PRKG1: variants seen among roughly 807,000 people sequenced by gnomAD.
The protein encoded by PRKG1 is protein kinase cGMP-dependent 1.
A neutral mutation model predicts 88.1 loss-of-function variants in PRKG1; 35 were observed. The observed-to-expected ratio is 0.40, with a 90% CI of 0.30 to 0.53. The LOEUF (loss-of-function observed/expected upper bound fraction) is 0.53, where lower values mean the gene tolerates loss of function less well. Among genes scored for constraint, PRKG1 ranks in the 20% least tolerant of loss-of-function variants. The pLI is 0.59. For missense variants in PRKG1, 540 were observed against 839.8 expected (o/e 0.64, Z 4.41); for synonymous variants, 303 against 292.5 (o/e 1.04, Z -0.37).
chr10:51,281,314 C>A (rs1840288718), intron 2 of PRKG1, among the ~76,000 whole-genome samples: 1 of 152,104 alleles, frequency 6.6e-6, no homozygotes, highest in African/African-American at 2.4e-5. Context: ...GGGTCAGGGA[C>A]CCAGTTGAGG....
At chr10:51,208,618 C>T (rs1019845385) in intron 2 of PRKG1, among the ~76,000 whole-genome samples, 1 of 152,046 alleles carries the variant, frequency 6.6e-6, no homozygotes, top group Non-Finnish European at 1.5e-5. Context: ...ATGCAAAAGG[C>T]TTAGTGGAGT....
intron 5 of PRKG1, among the ~76,000 whole-genome samples, chr10:51,923,430 T>C (rs1046915117): frequency 1.3e-5 from 2 of 151,208 alleles, no homozygotes; most frequent in East Asian, 1.9e-4. Context: ...ATATTAATAT[T>C]AGCATATTAT....
intron 9 of PRKG1, among the ~76,000 whole-genome samples, chr10:52,211,508 G>A (rs1839970538): frequency 6.6e-6 from 1 of 152,020 alleles, no homozygotes; most frequent in Non-Finnish European, 1.5e-5. Flanking sequence ...TAAGAATTAT[G>A]CATGCGTTTA....
chr10:52,032,622 T>G (rs1671900053), intron 5 of PRKG1, among the ~76,000 whole-genome samples: 1 of 152,196 alleles, frequency 6.6e-6, no homozygotes. Flanking sequence ...AGCAGAATTT[T>G]AATTAATCAT....
chr10:51,076,082 G>A (rs1412850569), intron 1 of PRKG1, among the ~76,000 whole-genome samples: 3 of 152,144 alleles, frequency 2.0e-5, no homozygotes, highest in Non-Finnish European at 4.4e-5. Flanking sequence ...GTAAATATTT[G>A]ATTATCTCTA....
At chr10:51,980,907 C>T (rs1205288987) in intron 5 of PRKG1, among the ~76,000 whole-genome samples, 1 of 152,174 alleles carries the variant, frequency 6.6e-6, no homozygotes, top group African/African-American at 2.4e-5. Context: ...TTGAAGACAG[C>T]ATACCAATGG....
chr10:51,793,092 C>T (rs1422665052), intron 3 of PRKG1, among the ~76,000 whole-genome samples: 1 of 82,596 alleles, frequency 1.2e-5, no homozygotes, highest in Non-Finnish European at 2.3e-5. Flanking sequence ...AAGAACTGCC[C>T]AACAAATAAT....
intron 5 of PRKG1, among the ~76,000 whole-genome samples, chr10:51,966,015 A>G (rs1033349569): frequency 6.6e-6 from 1 of 152,206 alleles, no homozygotes; most frequent in Non-Finnish European, 1.5e-5. Flanking sequence ...TTATATAGTT[A>G]TGCACCAAGA....
At chr10:51,545,699 TC>T (rs1458928804) in intron 3 of PRKG1, among the ~76,000 whole-genome samples, 8 of 152,248 alleles carry the variant, frequency 5.3e-5, no homozygotes, top group African/African-American at 1.9e-4. Flanking sequence ...GCTTGTCATT[TC>T]CCCAGTGTAT....
At chr10:51,425,212 C>G (rs1838541573) in intron 2 of PRKG1, among the ~76,000 whole-genome samples, 1 of 152,058 alleles carries the variant, frequency 6.6e-6, no homozygotes, top group African/African-American at 2.4e-5. Flanking sequence ...TTATTTTAGT[C>G]TTTATAGTAA....
intron 9 of PRKG1, among the ~76,000 whole-genome samples, chr10:52,166,857 A>ATATG (rs1298666412): frequency 1.6e-4 from 16 of 100,170 alleles, no homozygotes; most frequent in South Asian, 3.9e-4. Flanking sequence ...ATGTCTATAT[A>ATATG]TATATCTGTA....
intron 4 of PRKG1, among the ~76,000 whole-genome samples, chr10:51,842,760 TTATC>T (rs1448371889): frequency 6.6e-6 from 1 of 152,198 alleles, no homozygotes; most frequent in African/African-American, 2.4e-5. Context: ...CTGTATCTAT[TTATC>T]TAACTAGTGT....
intron 2 of PRKG1, among the ~76,000 whole-genome samples, chr10:51,223,327 G>A (rs1838602579): frequency 6.6e-6 from 1 of 152,056 alleles, no homozygotes; most frequent in Non-Finnish European, 1.5e-5. Context: ...ATATGTGCCA[G>A]GCAAAAAGAA....
At chr10:51,143,487 G>T (rs942107957) in intron 1 of PRKG1, among the ~76,000 whole-genome samples, 5 of 151,960 alleles carry the variant, frequency 3.3e-5, no homozygotes, top group African/African-American at 9.7e-5. Flanking sequence ...TTTACTTTGG[G>T]TATATACCCA....
At chr10:52,000,074 G>T (rs116565841) in intron 5 of PRKG1, among the ~76,000 whole-genome samples, 4 of 151,628 alleles carry the variant, frequency 2.6e-5, no homozygotes, top group Non-Finnish European at 5.9e-5. Context: ...GTTCCATAAA[G>T]TTCACTCACA....
rs561207486 is a variant in PRKG1, at chr10:51,376,003, C to T, written c.479-91720C>T. The stretch of plus-strand genomic sequence containing the variant: ...AGATAGCTCTTCCATGTATGCAAAA[C>T]ACTACTCTGTAGAAATTGTTGCAGA... On this transcript the variant is annotated intron_variant, in intron 2 of 17. Coordinates refer to ENST00000373980, the MANE Select transcript of PRKG1 (RefSeq NM_006258.4). Among the ~76,000 whole-genome samples the T allele has an allele frequency of 1.4e-4, 21 of 152,272 alleles. No individual in the cohort carries two copies. In the East Asian group the frequency reaches 2.7e-3, roughly 20 times the overall value.
At chr10:51,276,594 G>A (rs1483404467) in intron 2 of PRKG1, among the ~76,000 whole-genome samples, 2 of 152,046 alleles carry the variant, frequency 1.3e-5, no homozygotes, top group African/African-American at 4.8e-5. Flanking sequence ...GTGTAAAAGT[G>A]TTCCTATTTC....
intron 9 of PRKG1, among the ~76,000 whole-genome samples, chr10:52,189,480 G>T (rs1839308999): frequency 1.3e-5 from 2 of 152,154 alleles, no homozygotes; most frequent in Non-Finnish European, 2.9e-5. Flanking sequence ...CCTGAGCTCT[G>T]CCCCCTGTCA....
chr10:51,369,013 A>C (rs150663931), intron 2 of PRKG1, among the ~76,000 whole-genome samples: 341 of 152,236 alleles, frequency 2.2e-3, no homozygotes, highest in African/African-American at 7.7e-3. Context: ...AAAAAATCTT[A>C]GAAATGAGAT....
Sources: allele counts gnomAD v4.1 joint callset (sites outside exome capture counted in the v4.1 genomes callset), GRCh38; gene constraint gnomAD v4.1.1; transcripts MANE v1.5; gene names NCBI Gene and HGNC (gene_info 2026-07-23, HGNC 2026-07-21).